DZIP1: variants seen among roughly 807,000 people sequenced by gnomAD.
DZIP1 encodes the protein DAZ interacting zinc finger protein 1.
DZIP1 carries 97 observed loss-of-function variants against 107.6 expected under a neutral mutation model. The observed-to-expected ratio is 0.90, with a 90% CI of 0.77 to 1.07. The LOEUF is 1.07. Among genes scored for constraint, DZIP1 ranks in the 50% least tolerant of loss-of-function variants. The pLI is 0.00. For missense variants in DZIP1, 1,035 were observed against 1,063.6 expected (o/e 0.97, Z 0.37); for synonymous variants, 390 against 386.4 (o/e 1.01, Z -0.11).
intron 14 of DZIP1, among the ~76,000 whole-genome samples, chr13:95,604,634 G>A (rs1336099461): frequency 6.6e-6 from 1 of 152,292 alleles, no homozygotes; most frequent in East Asian, 1.9e-4. Flanking sequence ...ACCCCAGACA[G>A]CTTTAATGTA....
chr13:95,588,607 G>A (rs992552073), intron 19 of DZIP1, among the ~76,000 whole-genome samples: 1 of 152,062 alleles, frequency 6.6e-6, no homozygotes, highest in Non-Finnish European at 1.5e-5. Context: ...TACAGATAAG[G>A]AAATTGAGAC....
intron 7 of DZIP1, among the ~76,000 whole-genome samples, chr13:95,625,697 A>T (rs989521278): frequency 1.3e-5 from 2 of 152,220 alleles, no homozygotes; most frequent in African/African-American, 4.8e-5. Flanking sequence ...CAATGGGTTA[A>T]GGAAAAACTC....
At chr13:95,643,535 C>G (rs933784479) in intron 2 of DZIP1, 66 bp downstream of exon 2, 1 of 152,578 alleles carries the variant, frequency 6.6e-6, no homozygotes, top group African/African-American at 2.4e-5. Context: ...GCTCCCTGAT[C>G]TAGAACAAAT....
At chr13:95,633,906 G>A (rs767287440) in intron 5 of DZIP1, among the ~76,000 whole-genome samples, 15 of 152,114 alleles carry the variant, frequency 9.9e-5, no homozygotes, top group Non-Finnish European at 1.9e-4. Context: ...GCAACATGGC[G>A]AGAGCCCATC....
At chr13:95,635,125 CCTTACT>C (rs1473244486) in intron 5 of DZIP1, among the ~76,000 whole-genome samples, 1 of 151,882 alleles carries the variant, frequency 6.6e-6, no homozygotes, top group African/African-American at 2.4e-5. Context: ...CACCATGCTG[CCTTACT>C]CTTAATCAGT....
intron 5 of DZIP1, among the ~76,000 whole-genome samples, chr13:95,636,543 C>CAAAAAAAAAAAAAAAAAAAAGAAAAA (rs58289509): frequency 8.5e-6 from 1 of 118,278 alleles, no homozygotes; most frequent in African/African-American, 3.4e-5. Context: ...GACCTTGACT[C>CAAAAAAAAAAAAAAAAAAAAGAAAAA]AAAAAAAAAA....
chr13:95,588,760 ATTAAC>A (rs1435663375), intron 19 of DZIP1, among the ~76,000 whole-genome samples: 2 of 152,222 alleles, frequency 1.3e-5, no homozygotes, highest in Non-Finnish European at 2.9e-5. Flanking sequence ...TAGGGTCAGT[ATTAAC>A]TTCCACAAAA....
intron 10 of DZIP1, among the ~76,000 whole-genome samples, chr13:95,615,893 G>A (rs996836634): frequency 1.3e-5 from 2 of 152,150 alleles, no homozygotes; most frequent in African/African-American, 4.8e-5. Flanking sequence ...TAAGTATATG[G>A]CAACTACAAA....
In DZIP1 at chr13:95,584,921, G is replaced by C. The variant is rs1205255224; in HGVS notation, c.2350-11C>G. 2 of 1,601,188 alleles carry C rather than the reference G, an allele frequency of 1.2e-6. No individual in the cohort carries two copies. Among genetic ancestry groups the C allele is most frequent in the Non-Finnish European group, 1.7e-6 (2 of 1,173,974 alleles). On this transcript the variant is annotated splice_polypyrimidine_tract_variant and intron_variant, in intron 21 of 22. Transcript: ENST00000376829. The stretch of plus-strand genomic sequence containing the variant: ...CTCCACATCCGCACACTAAAAGAAA[G>C]GCATGGAGAATAATTAATGTTGCTT...
At chr13:95,606,371 CAT>C (rs2044777243) in intron 13 of DZIP1, among the ~76,000 whole-genome samples, 8 of 136,824 alleles carry the variant, frequency 5.8e-5, no homozygotes, top group African/African-American at 8.7e-5. Context: ...ACCCATGCCC[CAT>C]ACCCATCACA....
chr13:95,638,360 G>T (rs546369914), intron 5 of DZIP1, among the ~76,000 whole-genome samples: 2 of 152,174 alleles, frequency 1.3e-5, no homozygotes, highest in Non-Finnish European at 2.9e-5. Context: ...AAAGTGCTGG[G>T]ATTACAGGTG....
chr13:95,640,398 C>T (rs1878356751), intron 5 of DZIP1, among the ~76,000 whole-genome samples: 1 of 152,204 alleles, frequency 6.6e-6, no homozygotes, highest in South Asian at 2.1e-4. Context: ...TTCTCTCCAG[C>T]ATTCATGCAT....
intron 14 of DZIP1, among the ~76,000 whole-genome samples, chr13:95,604,298 G>A (rs1432022217): frequency 1.3e-5 from 2 of 152,224 alleles, no homozygotes; most frequent in African/African-American, 2.4e-5. Flanking sequence ...GTGAACAGGC[G>A]AATAAACATT....
intron 8 of DZIP1, among the ~76,000 whole-genome samples, chr13:95,623,903 C>A (rs991949000): frequency 6.6e-6 from 1 of 152,152 alleles, no homozygotes; most frequent in Non-Finnish European, 1.5e-5. Flanking sequence ...TGTGCCACTA[C>A]ACTCCAGACT....
chr13:95,612,222 A>ATG, intron 10 of DZIP1, 45 bp from the exon 11 acceptor site: 8 of 1,585,310 alleles, frequency 5.0e-6, no homozygotes, highest in Non-Finnish European at 6.8e-6. Flanking sequence ...GCTGCATGTC[A>ATG]AATGTCTTCA....
intron 10 of DZIP1, among the ~76,000 whole-genome samples, chr13:95,616,814 G>T (rs1875141941): frequency 6.6e-6 from 1 of 152,092 alleles, no homozygotes; most frequent in Admixed American, 6.5e-5. Context: ...AAGGTGAAGG[G>T]ACTCTGGAGA....
intron 10 of DZIP1, among the ~76,000 whole-genome samples, chr13:95,615,245 G>A (rs892917617): frequency 4.6e-5 from 7 of 152,216 alleles, no homozygotes; most frequent in Admixed American, 3.9e-4. Context: ...ACTGTAACTC[G>A]CTTTCTATTC....
At chr13:95,607,834 T>C (rs576575217) in intron 13 of DZIP1, among the ~76,000 whole-genome samples, 2 of 152,338 alleles carry the variant, frequency 1.3e-5, no homozygotes, top group Non-Finnish European at 2.9e-5. Flanking sequence ...AATCAGTAAA[T>C]GACTGACTAG....
chr13:95,605,203 T>C (rs1319016924), intron 14 of DZIP1, among the ~76,000 whole-genome samples: 1 of 152,226 alleles, frequency 6.6e-6, no homozygotes, highest in Non-Finnish European at 1.5e-5. Context: ...AGTTAGATCA[T>C]GGATTTAAGT....
Sources: allele counts gnomAD v4.1 joint callset (sites outside exome capture counted in the v4.1 genomes callset), GRCh38; gene constraint gnomAD v4.1.1; transcripts MANE v1.5; gene names NCBI Gene and HGNC (gene_info 2026-07-23, HGNC 2026-07-21).